The following RAD52 variants were observed in gnomAD, a reference collection of about 807,000 sequenced individuals.
The protein encoded by RAD52 is RAD52 DNA repair protein.
Under a neutral mutation model 55.5 loss-of-function variants are expected in RAD52, and 47 were observed. That is an observed-to-expected ratio of 0.85 (90% confidence interval 0.67 to 1.08). The LOEUF is 1.08. Ranked by LOEUF, RAD52 falls within the 50% of genes least tolerant of loss-of-function variation. The pLI is 0.00. For missense variants in RAD52, 468 were observed against 522.8 expected (o/e 0.90, Z 1.02); for synonymous variants, 184 against 198.9 (o/e 0.92, Z 0.63).
intron 1 of RAD52, among the ~76,000 whole-genome samples, chr12:933,712 G>A (rs1957459649): frequency 6.6e-6 from 1 of 152,132 alleles, no homozygotes; most frequent in Middle Eastern, 3.4e-3. Context: ...AATTCTTTAT[G>A]GGAAAGCAAA....
intron 6 of RAD52, among the ~76,000 whole-genome samples, chr12:926,561 C>G (rs1957047284): frequency 6.6e-6 from 1 of 152,100 alleles, no homozygotes; most frequent in African/African-American, 2.4e-5. Context: ...TTCCTTCTCT[C>G]TCTTGCTCCC....
At chr12:920,987 A>G (rs965406361) in intron 7 of RAD52, among the ~76,000 whole-genome samples, 3 of 152,220 alleles carry the variant, frequency 2.0e-5, no homozygotes, top group Non-Finnish European at 4.4e-5. Flanking sequence ...TCAACAGCAA[A>G]AAGAAAACTG....
intron 1 of RAD52, among the ~76,000 whole-genome samples, chr12:960,124 G>A (rs914502899): frequency 2.6e-5 from 4 of 152,172 alleles, no homozygotes; most frequent in African/African-American, 7.2e-5. Flanking sequence ...GGGCACTTTC[G>A]AGATTTCAAG....
intron 7 of RAD52, among the ~76,000 whole-genome samples, chr12:918,596 G>A (rs1956537687): frequency 6.6e-6 from 1 of 151,964 alleles, no homozygotes. Flanking sequence ...ATTTCGTACA[G>A]ACAGGGTCCC....
chr12:973,387 A>AG (rs550606609), intron 1 of RAD52, among the ~76,000 whole-genome samples: 4 of 152,232 alleles, frequency 2.6e-5, no homozygotes, highest in African/African-American at 9.6e-5. Context: ...TAAATAATAC[A>AG]GGCAAGAAAT....
At chr12:973,291 G>T (rs536066134) in intron 1 of RAD52, among the ~76,000 whole-genome samples, 2 of 151,872 alleles carry the variant, frequency 1.3e-5, no homozygotes, top group Non-Finnish European at 2.9e-5. Flanking sequence ...GGATGGTCTC[G>T]ATCTCCTGAC....
At chr12:982,841 G>A (rs1397250756) in intron 1 of RAD52, among the ~76,000 whole-genome samples, 3 of 136,500 alleles carry the variant, frequency 2.2e-5, no homozygotes, top group Admixed American at 7.5e-5. Context: ...TGCGCACCAC[G>A]ATGCCTGCTA....
At chr12:970,798 G>A (rs569815631) in intron 1 of RAD52, among the ~76,000 whole-genome samples, 37 of 152,212 alleles carry the variant, frequency 2.4e-4, no homozygotes, top group Middle Eastern at 6.8e-3. Flanking sequence ...ATTTTGGGTA[G>A]GGTATCACAG....
intron 1 of RAD52, among the ~76,000 whole-genome samples, chr12:948,609 G>T (rs1230243966): frequency 2.0e-5 from 3 of 152,130 alleles, no homozygotes; most frequent in Non-Finnish European, 2.9e-5. Context: ...AGTGAGCCGA[G>T]ACGGCGCCAC....
chr12:935,986 T>C (rs949062693), intron 1 of RAD52, among the ~76,000 whole-genome samples: 30 of 146,132 alleles, frequency 2.1e-4, no homozygotes, highest in South Asian at 7.4e-4. Flanking sequence ...TGAGCCACCA[T>C]GCCAGAACAC....
chr12:979,823 G>A (rs906785259), intron 1 of RAD52, among the ~76,000 whole-genome samples: 3 of 152,224 alleles, frequency 2.0e-5, no homozygotes, highest in Middle Eastern at 3.4e-3. Context: ...TGAGGCAGGC[G>A]GATCACGAGG....
intron 9 of RAD52, 33 bp downstream of exon 9, chr12:916,311 C>A: frequency 6.3e-7 from 1 of 1,597,128 alleles, no homozygotes; most frequent in Non-Finnish European, 8.5e-7. Context: ...CCTGCAGACG[C>A]CTCCCAGGGC....
chr12:947,493 C>T (rs1958301755), intron 1 of RAD52, among the ~76,000 whole-genome samples: 2 of 148,708 alleles, frequency 1.3e-5, no homozygotes, highest in Non-Finnish European at 3.0e-5. Flanking sequence ...ACTAAAAATA[C>T]CAAAAATTAG....
In RAD52 at chr12:912,051, C is replaced by CTT. The variant is rs1956121415; in HGVS notation, c.*1338_*1339dup. On this transcript the variant is annotated 3_prime_UTR_variant, in exon 12 of 12. Coordinates refer to ENST00000358495, the MANE Select transcript of RAD52 (RefSeq NM_134424.4). ...AAAAAAAAAGTTGTTAAACTGCAAA[C>CTT]TTCATTATTTTGGGGGAAGAATTAT... 5.0e-6 allele frequency: 1 copy of CTT among 199,776 alleles called. No individual in the cohort carries two copies. 12.4% of individuals were successfully genotyped at this position (199,776 alleles called of 1,614,324 possible).
chr12:931,936 A>T (rs1468447657), intron 2 of RAD52, among the ~76,000 whole-genome samples: 2 of 152,214 alleles, frequency 1.3e-5, no homozygotes, highest in African/African-American at 4.8e-5. Flanking sequence ...TGCTCAGATG[A>T]GATGAATACT....
At chr12:987,047 T>C (rs1009326764) in intron 1 of RAD52, among the ~76,000 whole-genome samples, 27 of 152,290 alleles carry the variant, frequency 1.8e-4, no homozygotes, top group African/African-American at 6.0e-4. Flanking sequence ...CTCGGCTGAC[T>C]GCAACCTCTG....
At chr12:976,762 C>T (rs1958939757) in intron 1 of RAD52, 1 of 152,132 alleles carries the variant, frequency 6.6e-6, no homozygotes, top group African/African-American at 2.4e-5. Flanking sequence ...TGTTTTCAGC[C>T]ACTAAATTTT....
intron 5 of RAD52, among the ~76,000 whole-genome samples, chr12:928,104 G>C (rs1227151012): frequency 6.6e-6 from 1 of 152,194 alleles, no homozygotes; most frequent in Non-Finnish European, 1.5e-5. Context: ...AAATAAATGA[G>C]TGACACTATA....
At chr12:957,182 G>C (rs1257054014) in intron 1 of RAD52, among the ~76,000 whole-genome samples, 1 of 152,184 alleles carries the variant, frequency 6.6e-6, no homozygotes, top group African/African-American at 2.4e-5. Flanking sequence ...TTGAGGCTGG[G>C]TGCAGTGGCT....
Sources: allele counts gnomAD v4.1 joint callset (sites outside exome capture counted in the v4.1 genomes callset), GRCh38; gene constraint gnomAD v4.1.1; transcripts MANE v1.5; gene names NCBI Gene and HGNC (gene_info 2026-07-23, HGNC 2026-07-21).